Variants in PPP4R3B observed in about 807,000 individuals in gnomAD.
The protein encoded by PPP4R3B is protein phosphatase 4 regulatory subunit 3B, also known as serine/threonine-protein phosphatase 4 regulatory subunit 3B.
PPP4R3B carries 52 observed loss-of-function variants against 95.4 expected under a neutral mutation model. That is an observed-to-expected ratio of 0.54 (90% CI 0.44 to 0.69). The LOEUF (loss-of-function observed/expected upper bound fraction) is 0.69, where lower values mean the gene tolerates loss of function less well. Ranked by LOEUF, PPP4R3B falls within the 30% of genes least tolerant of loss-of-function variation. The pLI is 0.00. For synonymous variants in PPP4R3B, 407 were observed against 343.9 expected (o/e 1.18, Z -2.03); for missense variants, 1,003 against 1,005.9 (o/e 1.00, Z 0.04).
At chr2:55,603,194 C>A (rs1343978156) in intron 3 of PPP4R3B, among the ~76,000 whole-genome samples, 2 of 152,142 alleles carry the variant, frequency 1.3e-5, no homozygotes, top group Admixed American at 6.6e-5. Context: ...GTCAGGTGAT[C>A]CGCCTGCCTC....
At chr2:55,602,921 A>G (rs183377838) in intron 3 of PPP4R3B, among the ~76,000 whole-genome samples, 1 of 152,242 alleles carries the variant, frequency 6.6e-6, no homozygotes, top group East Asian at 1.9e-4. Context: ...TGAAAACAGT[A>G]ATAAACAAAT....
At chr2:55,575,268 C>T (rs76494500) in intron 11 of PPP4R3B, among the ~76,000 whole-genome samples, 1 of 151,670 alleles carries the variant, frequency 6.6e-6, no homozygotes, top group Non-Finnish European at 1.5e-5. Context: ...TATCAACTCA[C>T]GATGTCCATA....
At chr2:55,616,164 A>C (rs866567796) in intron 1 of PPP4R3B, among the ~76,000 whole-genome samples, 1 of 152,132 alleles carries the variant, frequency 6.6e-6, no homozygotes, top group South Asian at 2.1e-4. Flanking sequence ...GTTTTAACAA[A>C]AGTTGTTTTA....
intron 1 of PPP4R3B, chr2:55,616,527 T>G (rs1275764487): frequency 1.3e-5 from 2 of 152,228 alleles, no homozygotes; most frequent in East Asian, 3.8e-4. Flanking sequence ...CCTGCTTTGG[T>G]GTCCCAACTT....
intron 2 of PPP4R3B, among the ~76,000 whole-genome samples, chr2:55,607,462 T>C (rs1332892415): frequency 2.0e-5 from 3 of 152,142 alleles, no homozygotes; most frequent in African/African-American, 7.2e-5. Context: ...GCTCACAAAA[T>C]GCAGGGAAAC....
In PPP4R3B at chr2:55,617,077, G is replaced by A. The variant is rs1695058522; in HGVS notation, c.142+67C>T. The A allele has an allele frequency of 2.0e-6, 3 of 1,513,396 alleles. No homozygotes were observed. In the East Asian group the frequency reaches 6.9e-5, roughly 35 times the overall value. The allele number at this position is 1,513,396 out of a possible 1,614,324, so 93.7% of individuals were successfully genotyped here. A position where few individuals can be genotyped will look rare whatever the true frequency, so the allele number is the denominator to read the frequency against. On this transcript the variant is annotated intron_variant, in intron 1 of 16. Coordinates refer to ENST00000616407, the MANE Select transcript of PPP4R3B (RefSeq NM_001122964.3). Reference sequence around the variant, plus strand: ...GAGTAGCAACGGTAACGGGCCCAGGGCCCTAAACCCAAGCTGTGCCCCAAC... The same window carrying A: ...GAGTAGCAACGGTAACGGGCCCAGGACCCTAAACCCAAGCTGTGCCCCAAC...
At chr2:55,607,078 T>G (rs564671582) in intron 2 of PPP4R3B, among the ~76,000 whole-genome samples, 59 of 152,272 alleles carry the variant, frequency 3.9e-4, no homozygotes, top group Middle Eastern at 3.4e-3. Flanking sequence ...TGCAGTTATC[T>G]CCACATATAG....
chr2:55,577,330 T>C lies in PPP4R3B; in HGVS notation c.1591A>G (p.Asn531Asp). Residue 531 changes from asparagine (N) to aspartate (D), a missense_variant, in exon 11 of 17, where the codon AAC (asparagine) becomes GAC (aspartate). Physicochemically the swap from Asn to Asp is conservative, Grantham distance 23. Coordinates refer to ENST00000616407, the MANE Select transcript of PPP4R3B (RefSeq NM_001122964.3). ...TCATACTTACCGGGACAAATTGTGT[T>C]GTTTTTGTTTGATCCAACTATATTA... is the stretch of plus-strand genomic sequence containing the variant. ...QDNIVGSNKN[N>D]TICPDNYQTA... 2 of 1,547,756 alleles carry C rather than the reference T, an allele frequency of 1.3e-6. No homozygotes were observed. Among genetic ancestry groups the C allele is most frequent in the Non-Finnish European group, 1.7e-6 (2 of 1,153,576 alleles).
intron 12 of PPP4R3B, among the ~76,000 whole-genome samples, chr2:55,572,203 C>T (rs1258257832): frequency 7.0e-6 from 1 of 143,604 alleles, no homozygotes; most frequent in East Asian, 1.9e-4. Flanking sequence ...GTGAGAATAT[C>T]TGCATAATCT....
At chr2:55,586,420 A>C (rs1040938847) in intron 6 of PPP4R3B, among the ~76,000 whole-genome samples, 198 bp downstream of exon 6, 3 of 152,200 alleles carry the variant, frequency 2.0e-5, no homozygotes, top group African/African-American at 7.2e-5. Flanking sequence ...TATTCACTTG[A>C]AAGCACACTA....
rs568622222 is a variant in PPP4R3B at position 55,597,051 on chromosome 2, G to A, written c.921+1365C>T. Among the ~76,000 whole-genome samples the A allele has an allele frequency of 5.9e-5, 9 of 152,296 alleles. 1 individual carries two copies. Among genetic ancestry groups the A allele is most frequent in the African/African-American group, 2.2e-4 (9 of 41,562 alleles). On this transcript the variant is annotated intron_variant, in intron 4 of 16. Coordinates refer to ENST00000616407, the MANE Select transcript of PPP4R3B (RefSeq NM_001122964.3). ...AGTAGAATAGTGGTTACTAAGAGCT[G>A]GAAGGAGGGAATATGGGGAGTTACT...
rs1410815942 is a variant in PPP4R3B, at chr2:55,578,260, G to C, written c.1551C>G (p.Ser517=). The change falls in exon 10 of 17, where the codon TCC becomes TCG. Residue 517 remains serine (S), a synonymous_variant. Coordinates refer to ENST00000616407, the MANE Select transcript of PPP4R3B (RefSeq NM_001122964.3). ...AATTCAGCATACCTTGAGAGATGGA[G>C]GAAGAGGGGGTAGAATGGGAATGGG... ...SHSHSHSTPS[S]SISQDNIVGS... 6.8e-7 allele frequency: 1 copy of C among 1,472,328 alleles called. No individual in the cohort carries two copies. The allele number at this position is 1,472,328 out of a possible 1,614,324, so 91.2% of individuals were successfully genotyped here.
intron 3 of PPP4R3B, among the ~76,000 whole-genome samples, chr2:55,601,641 A>G (rs111774128): frequency 3.2e-4 from 49 of 152,184 alleles, no homozygotes; most frequent in African/African-American, 1.1e-3. Context: ...CGGCCTCCCA[A>G]AGTGCTGGGA....
chr2:55,604,184 C>G, intron 2 of PPP4R3B, 108 bp from the exon 3 acceptor site: 1 of 663,156 alleles, frequency 1.5e-6, no homozygotes, highest in South Asian at 2.8e-5. Context: ...ACAAATGCCC[C>G]GATATGAGTA....
intron 2 of PPP4R3B, among the ~76,000 whole-genome samples, chr2:55,612,945 CA>C (rs558897062): frequency 2.8e-3 from 344 of 120,890 alleles, no homozygotes; most frequent in Middle Eastern, 4.5e-3. Flanking sequence ...GACTCCATCT[CA>C]AAAAAAAAAA....
chr2:55,589,180 T>A (rs529194533), intron 4 of PPP4R3B, among the ~76,000 whole-genome samples: 1 of 152,326 alleles, frequency 6.6e-6, no homozygotes, highest in East Asian at 1.9e-4. Context: ...AAACCTCAAC[T>A]ACAAATAACT....
chr2:55,590,050 A>G (rs1043029492), intron 4 of PPP4R3B, among the ~76,000 whole-genome samples: 7 of 149,320 alleles, frequency 4.7e-5, no homozygotes, highest in African/African-American at 7.4e-5. Flanking sequence ...TTTGTGGGCC[A>G]GGTGTGGTGG....
intron 5 of PPP4R3B, 60 bp from the exon 6 acceptor site, chr2:55,586,794 T>C (rs1295965163): frequency 2.0e-6 from 2 of 982,794 alleles, no homozygotes; most frequent in Non-Finnish European, 1.6e-6. Flanking sequence ...CACACTATAG[T>C]AATCATCTAC....
chr2:55,596,100 C>T (rs758012249), intron 4 of PPP4R3B, among the ~76,000 whole-genome samples: 2 of 152,006 alleles, frequency 1.3e-5, no homozygotes, highest in South Asian at 2.1e-4. Context: ...GCCACATACT[C>T]GTATACACCC....
Sources: allele counts gnomAD v4.1 joint callset (sites outside exome capture counted in the v4.1 genomes callset), GRCh38; gene constraint gnomAD v4.1.1; transcripts MANE v1.5; gene names NCBI Gene and HGNC (gene_info 2026-07-23, HGNC 2026-07-21).